PKNOX2: variants seen among roughly 807,000 people sequenced by gnomAD.
The protein encoded by PKNOX2 is homeobox protein PKNOX2.
Under a neutral mutation model 53.1 loss-of-function variants are expected in PKNOX2, and 14 were observed. The observed-to-expected ratio is 0.26, with a 90% confidence interval of 0.17 to 0.41. The LOEUF is 0.41. PKNOX2 is among the 10% of genes least tolerant of loss of function. The probability of loss-of-function intolerance (pLI) is 1.00; values close to 1 mark genes in which losing one functional copy is unlikely to be tolerated. For missense variants in PKNOX2, 496 were observed against 602.8 expected, an observed-to-expected ratio of 0.82 and a Z score of 1.85; for synonymous variants, 257 against 242.8, an observed-to-expected ratio of 1.06 and a Z score of -0.54.
chr11:125,192,990 C>T (rs1956971241), intron 1 of PKNOX2, among the ~76,000 whole-genome samples: 1 of 152,256 alleles, frequency 6.6e-6, no homozygotes, highest in South Asian at 2.1e-4. Context: ...CGCCTCCACA[C>T]AGGTGAACCA....
intron 2 of PKNOX2, among the ~76,000 whole-genome samples, chr11:125,260,686 G>C (rs1424466518): frequency 6.6e-6 from 1 of 152,132 alleles, no homozygotes; most frequent in Non-Finnish European, 1.5e-5. Context: ...AGTTGCATTT[G>C]GGAGGTCAGC....
intron 2 of PKNOX2, among the ~76,000 whole-genome samples, chr11:125,284,209 C>T (rs1355587257): frequency 6.6e-6 from 1 of 152,338 alleles, no homozygotes; most frequent in African/African-American, 2.4e-5. Context: ...TCTCTTATTA[C>T]GGTGCATACA....
chr11:125,224,907 G>C (rs370979352), intron 1 of PKNOX2, among the ~76,000 whole-genome samples: 18 of 152,240 alleles, frequency 1.2e-4, no homozygotes, highest in African/African-American at 3.9e-4. Flanking sequence ...GGGAAGTGCC[G>C]TGGTGCCCTT....
chr11:125,375,591 G>A (rs929219067), intron 5 of PKNOX2, among the ~76,000 whole-genome samples: 5 of 152,258 alleles, frequency 3.3e-5, no homozygotes, highest in African/African-American at 1.2e-4. Flanking sequence ...AGAATGAGAA[G>A]CCCGTTGGGG....
At chr11:125,319,234 G>C (rs1177946781) in intron 2 of PKNOX2, among the ~76,000 whole-genome samples, 1 of 152,058 alleles carries the variant, frequency 6.6e-6, no homozygotes, top group Non-Finnish European at 1.5e-5. Context: ...TATTGATTAA[G>C]TTCACCATCT....
intron 1 of PKNOX2, among the ~76,000 whole-genome samples, chr11:125,208,757 G>A (rs1445938888): frequency 6.8e-6 from 1 of 146,694 alleles, no homozygotes; most frequent in Admixed American, 7.0e-5. Flanking sequence ...TACAGCTTGG[G>A]TGGTTGGAAG....
chr11:125,354,337 C>T (rs1223545176), intron 4 of PKNOX2, among the ~76,000 whole-genome samples: 3 of 152,172 alleles, frequency 2.0e-5, no homozygotes, highest in African/African-American at 4.8e-5. Flanking sequence ...AAAGCCCACT[C>T]CCTCCTCATT....
intron 1 of PKNOX2, among the ~76,000 whole-genome samples, chr11:125,187,514 A>G (rs1161281291): frequency 1.3e-5 from 2 of 152,230 alleles, no homozygotes; most frequent in Admixed American, 6.5e-5. Context: ...TTGCTGGTAT[A>G]TAGAAACACA....
intron 1 of PKNOX2, among the ~76,000 whole-genome samples, chr11:125,196,048 G>T (rs1937646127): frequency 6.6e-6 from 1 of 152,144 alleles, no homozygotes; most frequent in Admixed American, 6.5e-5. Context: ...TGGGGAACCA[G>T]CATTCTGCAT....
At chr11:125,309,724 A>C (rs1948690923) in intron 2 of PKNOX2, among the ~76,000 whole-genome samples, 1 of 152,018 alleles carries the variant, frequency 6.6e-6, no homozygotes, top group Non-Finnish European at 1.5e-5. Flanking sequence ...TCTACTCAAC[A>C]TCATCTTCTT....
intron 11 of PKNOX2, among the ~76,000 whole-genome samples, chr11:125,429,292 G>A (rs760625859): frequency 1.3e-5 from 2 of 152,276 alleles, no homozygotes; most frequent in South Asian, 2.1e-4. Context: ...GCTTCTCAGC[G>A]CCCTCTGCTG....
chr11:125,210,102 C>T (rs2135442663), intron 1 of PKNOX2, among the ~76,000 whole-genome samples: 1 of 152,234 alleles, frequency 6.6e-6, no homozygotes. Context: ...TTCTGCCAAC[C>T]TCTGGCTGGA....
chr11:125,200,627 A>C (rs1938330270), intron 1 of PKNOX2, among the ~76,000 whole-genome samples: 1 of 152,022 alleles, frequency 6.6e-6, no homozygotes, highest in Non-Finnish European at 1.5e-5. Flanking sequence ...TCTGTTCTCT[A>C]CACTGAAGCC....
At chr11:125,272,929 C>A (rs571246982) in intron 2 of PKNOX2, among the ~76,000 whole-genome samples, 2 of 152,320 alleles carry the variant, frequency 1.3e-5, no homozygotes, top group South Asian at 4.1e-4. Context: ...CTGGCCGAAG[C>A]GCAGGGAGAA....
chr11:125,295,719 C>T (rs1365228281), intron 2 of PKNOX2, among the ~76,000 whole-genome samples: 3 of 152,148 alleles, frequency 2.0e-5, no homozygotes, highest in African/African-American at 4.8e-5. Flanking sequence ...AGGTGGCCTT[C>T]GAAGAGGGCA....
intron 4 of PKNOX2, among the ~76,000 whole-genome samples, chr11:125,353,117 G>A (rs1329497944): frequency 1.3e-5 from 2 of 152,234 alleles, no homozygotes; most frequent in African/African-American, 2.4e-5. Context: ...TGGTGGGAAC[G>A]TGGGCTCCAC....
At chr11:125,406,765 G>T (rs939814526) in intron 7 of PKNOX2, among the ~76,000 whole-genome samples, 1 of 151,954 alleles carries the variant, frequency 6.6e-6, no homozygotes, top group Non-Finnish European at 1.5e-5. Context: ...ACCCCATGGG[G>T]TGATGGTGAC....
chr11:125,417,422 C>G (rs1033442052), intron 10 of PKNOX2, among the ~76,000 whole-genome samples: 1 of 152,034 alleles, frequency 6.6e-6, no homozygotes, highest in African/African-American at 2.4e-5. Flanking sequence ...TGCAGCGTGC[C>G]GGGTTCTGCA....
chr11:125,200,338 G>T (rs1258944638), intron 1 of PKNOX2, among the ~76,000 whole-genome samples: 1 of 152,184 alleles, frequency 6.6e-6, no homozygotes, highest in Non-Finnish European at 1.5e-5. Flanking sequence ...ACCTTAACTT[G>T]TGCCTCCCCA....
Sources: allele counts gnomAD v4.1 joint callset (sites outside exome capture counted in the v4.1 genomes callset), GRCh38; gene constraint gnomAD v4.1.1; transcripts MANE v1.5; gene names NCBI Gene and HGNC (gene_info 2026-07-23, HGNC 2026-07-21).